Variants in SND1 observed in about 807,000 individuals in gnomAD.
SND1 encodes the protein staphylococcal nuclease domain-containing protein 1.
Under a neutral mutation model 121.7 loss-of-function variants are expected in SND1, and 38 were observed. The observed-to-expected ratio is 0.31, with a 90% confidence interval of 0.24 to 0.41. The LOEUF is 0.41. SND1 is among the 10% of genes least tolerant of loss of function. The pLI is 1.00. For missense variants in SND1, 868 were observed against 1,184.6 expected (o/e 0.73, Z 3.92); for synonymous variants, 401 against 447.4 (o/e 0.90, Z 1.31).
At chr7:127,988,915 T>G (rs1004550228) in intron 15 of SND1, among the ~76,000 whole-genome samples, 1 of 152,264 alleles carries the variant, frequency 6.6e-6, no homozygotes, top group Non-Finnish European at 1.5e-5. Flanking sequence ...CAATGCTTTT[T>G]CTGTGGTTAT....
chr7:127,669,190 A>T (rs1795472453), intron 1 of SND1, among the ~76,000 whole-genome samples: 1 of 152,144 alleles, frequency 6.6e-6, no homozygotes, highest in Non-Finnish European at 1.5e-5. Context: ...ACGGGGTTTC[A>T]CCAGGTTGGC....
intron 16 of SND1, among the ~76,000 whole-genome samples, chr7:128,002,945 G>A (rs958747746): frequency 2.0e-5 from 3 of 152,312 alleles, no homozygotes; most frequent in Non-Finnish European, 4.4e-5. Context: ...AACACAGGCT[G>A]GGCACAGTGG....
intron 16 of SND1, among the ~76,000 whole-genome samples, chr7:128,045,859 C>G (rs1055757414): frequency 5.3e-5 from 8 of 152,130 alleles, no homozygotes; most frequent in African/African-American, 1.9e-4. Context: ...TGCTCATACA[C>G]CAATCGACAA....
intron 15 of SND1, among the ~76,000 whole-genome samples, chr7:127,935,816 G>A (rs1217755972): frequency 1.3e-5 from 2 of 152,170 alleles, no homozygotes; most frequent in African/African-American, 4.8e-5. Context: ...AGGGGGTTTG[G>A]GTTGTGATTC....
In SND1 at chr7:127,717,072, A is replaced by G. The variant is rs147316720; in HGVS notation, c.1039-4215A>G. 2.0e-3 allele frequency among the ~76,000 whole-genome samples: 299 copies of G among 152,334 alleles called. 2 individuals are homozygous for G. Among genetic ancestry groups the G allele is most frequent in the African/African-American group, 6.8e-3 (283 of 41,578 alleles). ...TAAAAATTAAATTATTAGAGACTTC[A>G]TTTTTTAGGTCACTCTTTAGATTTA... is the stretch of plus-strand genomic sequence containing the variant. On this transcript the variant is annotated intron_variant, in intron 9 of 23. Coordinates refer to ENST00000354725, the MANE Select transcript of SND1 (RefSeq NM_014390.4).
intron 2 of SND1, among the ~76,000 whole-genome samples, chr7:127,688,899 G>C (rs2116312208): frequency 6.6e-6 from 1 of 152,176 alleles, no homozygotes. Context: ...TTTAAGTAAA[G>C]CATTTAGTTT....
intron 16 of SND1, among the ~76,000 whole-genome samples, chr7:127,993,064 A>T (rs2116919661): frequency 6.6e-6 from 1 of 152,258 alleles, no homozygotes; most frequent in East Asian, 1.9e-4. Context: ...GCATTTTCTT[A>T]GCTACTTATA....
At chr7:127,801,600 G>A (rs566524096) in intron 10 of SND1, among the ~76,000 whole-genome samples, 1 of 152,224 alleles carries the variant, frequency 6.6e-6, no homozygotes, top group African/African-American at 2.4e-5. Context: ...CATTGCTTTA[G>A]CAGTTCTCTT....
intron 1 of SND1, among the ~76,000 whole-genome samples, chr7:127,683,971 G>A (rs571024984): frequency 6.6e-6 from 1 of 152,330 alleles, no homozygotes; most frequent in East Asian, 1.9e-4. Context: ...CACAATTACT[G>A]TGTACAAGTT....
rs531159376 is a variant in SND1 at position 127,686,403 on chromosome 7, A to G, written c.79-210A>G. Among the ~76,000 whole-genome samples the G allele has an allele frequency of 1.1e-4, 17 of 152,298 alleles. No individual in the cohort carries two copies. In the East Asian group the frequency reaches 1.7e-3, roughly 16 times the overall value. On this transcript the variant is annotated intron_variant, in intron 1 of 23. Coordinates refer to ENST00000354725, the MANE Select transcript of SND1 (RefSeq NM_014390.4). ...TTTCTATTGTTGGATTTCTGGGTCA[A>G]TCATTTCAGAATTTGGCCCCAGGCT... is the stretch of plus-strand genomic sequence containing the variant.
chr7:128,072,741 G>T (rs573686714), intron 16 of SND1, among the ~76,000 whole-genome samples: 2 of 152,110 alleles, frequency 1.3e-5, no homozygotes, highest in East Asian at 1.9e-4. Flanking sequence ...ACTGGAGGAG[G>T]CGCTCAGTCT....
chr7:127,891,873 A>G (rs1365673081), intron 13 of SND1, among the ~76,000 whole-genome samples: 1 of 152,170 alleles, frequency 6.6e-6, no homozygotes, highest in East Asian at 1.9e-4. Context: ...AAGGTACTGT[A>G]TTTAATGCTT....
In SND1 at chr7:128,028,984, G is replaced by A. The variant is rs1159200016; in HGVS notation, c.1779+37928G>A. The A allele has an allele frequency of 3.8e-5, 62 of 1,610,922 alleles. No individual in the cohort carries two copies. The highest frequency in any genetic ancestry group is 5.1e-5 in the Non-Finnish European group (60 of 1,178,410). ...GTGACTGTACTCCGCTGCTGGTGCC[G>A]CTTACGAAGTTTATAGAAGACAATC... is the stretch of plus-strand genomic sequence containing the variant. On this transcript the variant is annotated intron_variant, in intron 16 of 23. Transcript: ENST00000354725.
At chr7:127,692,251 C>T (rs1445006660) in intron 2 of SND1, among the ~76,000 whole-genome samples, 1 of 152,176 alleles carries the variant, frequency 6.6e-6, no homozygotes, top group Non-Finnish European at 1.5e-5. Flanking sequence ...GTAGATATGA[C>T]AACCTTTCTT....
At chr7:127,688,244 G>A (rs528299495) in intron 2 of SND1, among the ~76,000 whole-genome samples, 2 of 152,072 alleles carry the variant, frequency 1.3e-5, no homozygotes, top group East Asian at 3.9e-4. Context: ...ACACCCCTCA[G>A]CCTCTAATGC....
chr7:127,810,939 G>A (rs1798325028), intron 11 of SND1, among the ~76,000 whole-genome samples: 1 of 152,224 alleles, frequency 6.6e-6, no homozygotes, highest in African/African-American at 2.4e-5. Context: ...TTTCAAAAAT[G>A]ATGGAAAAGA....
chr7:127,866,898 C>T (rs1189204956), intron 12 of SND1, among the ~76,000 whole-genome samples: 1 of 152,196 alleles, frequency 6.6e-6, no homozygotes, highest in Non-Finnish European at 1.5e-5. Context: ...TACCTCCTGC[C>T]TTCCCATCTC....
At chr7:127,967,994 G>C (rs1484419406) in intron 15 of SND1, among the ~76,000 whole-genome samples, 1 of 152,182 alleles carries the variant, frequency 6.6e-6, no homozygotes, top group African/African-American at 2.4e-5. Context: ...AGGAAGGGTT[G>C]CTCTTACCTC....
At chr7:127,847,420 C>T (rs1799085900) in intron 12 of SND1, among the ~76,000 whole-genome samples, 2 of 152,194 alleles carry the variant, frequency 1.3e-5, no homozygotes, top group South Asian at 4.1e-4. Flanking sequence ...GATTTATAAA[C>T]ACTAGCCAGA....
Sources: gnomAD v4.1 joint callset for allele counts (sites outside exome capture counted in the v4.1 genomes callset) on GRCh38, gnomAD v4.1.1 for gene constraint, MANE v1.5 for transcripts, NCBI Gene and HGNC (gene_info 2026-07-23, HGNC 2026-07-21) for gene names.